TMEM131L: variants seen among roughly 807,000 people sequenced by gnomAD.
The protein encoded by TMEM131L is transmembrane protein 131-like.
In TMEM131L, 54 loss-of-function variants were observed where a neutral mutation model predicts 192.2. The ratio of observed to expected loss-of-function variants is 0.28; its 90% CI spans 0.23 to 0.35. The LOEUF is 0.35. TMEM131L is among the 10% of genes least tolerant of loss of function. The pLI, the probability that TMEM131L is intolerant of heterozygous loss-of-function variation, is 1.00. For synonymous variants in TMEM131L, 701 were observed against 704.9 expected, an observed-to-expected ratio of 0.99 and a Z score of 0.09; for missense variants, 1,888 against 1,972.9, an observed-to-expected ratio of 0.96 and a Z score of 0.82.
chr4:153,591,092 G>A lies in TMEM131L; in HGVS notation c.1710G>A (p.Lys570=). ...GAACAACTCGATTTGCTCACTTGAAGAAATCCAAGGAGTCAGAGTCCTTTG... is the reference window on the plus strand; with the variant it reads ...GAACAACTCGATTTGCTCACTTGAAAAAATCCAAGGAGTCAGAGTCCTTTG... ...VLGTTRFAHL[K]KSKESESFVF... Residue 570 remains lysine (K), a synonymous_variant, in exon 17 of 35, where the codon AAG becomes AAA. Transcript: ENST00000409959. 6.2e-7 allele frequency: 1 copy of A among 1,604,734 alleles called. No homozygotes were observed. Among genetic ancestry groups the A allele is most frequent in the Non-Finnish European group, 8.5e-7 (1 of 1,174,426 alleles).
intron 25 of TMEM131L, among the ~76,000 whole-genome samples, chr4:153,608,464 A>AG (rs1732392073): frequency 6.6e-6 from 1 of 152,246 alleles, no homozygotes; most frequent in African/African-American, 2.4e-5. Flanking sequence ...AAAATAATGT[A>AG]GATTAGAGTT....
At position 153,636,634 on chromosome 4, in the gene TMEM131L, T is replaced by A; in HGVS notation, c.*58T>A. The stretch of plus-strand genomic sequence containing the variant: ...GAGGCTTGTGTTTTGATTACTAGTG[T>A]AAACTGGTTATTGAGATAGATTATG... On this transcript the variant is annotated 3_prime_UTR_variant, in exon 35 of 35. Transcript: ENST00000409959. The A allele has an allele frequency of 6.6e-7, 1 of 1,514,026 alleles. No individual in the cohort carries two copies. Among genetic ancestry groups the A allele is most frequent in the African/African-American group, 1.4e-5 (1 of 72,464 alleles). 93.8% of individuals were successfully genotyped at this position (1,514,026 alleles called of 1,614,324 possible). A position where few individuals can be genotyped will look rare whatever the true frequency, so the allele number is the denominator to read the frequency against.
At chr4:153,576,938 A>G (rs1330386185) in intron 7 of TMEM131L, among the ~76,000 whole-genome samples, 1 of 152,130 alleles carries the variant, frequency 6.6e-6, no homozygotes, top group East Asian at 1.9e-4. Context: ...TGATGAAGTG[A>G]TAGGCATTGT....
intron 9 of TMEM131L, 136 bp downstream of exon 9, chr4:153,581,696 T>A: frequency 1.9e-6 from 1 of 521,216 alleles, no homozygotes; most frequent in Non-Finnish European, 3.0e-6. Flanking sequence ...ATTGTAGTAG[T>A]AACTGGTTCT....
chr4:153,510,294 C>T (rs1479053349), intron 3 of TMEM131L, among the ~76,000 whole-genome samples: 1 of 152,112 alleles, frequency 6.6e-6, no homozygotes, highest in African/African-American at 2.4e-5. Flanking sequence ...AAGGGACATG[C>T]AGGCATTGAA....
intron 3 of TMEM131L, among the ~76,000 whole-genome samples, chr4:153,507,903 C>T (rs1238479140): frequency 6.6e-6 from 1 of 152,136 alleles, no homozygotes; most frequent in Admixed American, 6.5e-5. Context: ...TCCTCTGCTG[C>T]AGTAAATGAC....
At chr4:153,631,707 C>T (rs1734221830) in intron 31 of TMEM131L, among the ~76,000 whole-genome samples, 1 of 152,230 alleles carries the variant, frequency 6.6e-6, no homozygotes, top group African/African-American at 2.4e-5. Context: ...GAAGTCAACT[C>T]TGCTCAAAAC....
chr4:153,498,882 A>G (rs1360141654), intron 3 of TMEM131L, among the ~76,000 whole-genome samples: 1 of 152,142 alleles, frequency 6.6e-6, no homozygotes, highest in African/African-American at 2.4e-5. Context: ...GCTTTTGCCA[A>G]CCTTTCTTGG....
intron 7 of TMEM131L, among the ~76,000 whole-genome samples, chr4:153,561,450 ATGT>A (rs1223438470): frequency 6.6e-6 from 1 of 152,118 alleles, no homozygotes; most frequent in African/African-American, 2.4e-5. Context: ...AAAAGGCCTA[ATGT>A]TGTGAAGCTT....
intron 3 of TMEM131L, among the ~76,000 whole-genome samples, chr4:153,488,905 T>C (rs867229974): frequency 1.3e-5 from 2 of 152,246 alleles, no homozygotes; most frequent in African/African-American, 4.8e-5. Flanking sequence ...CAGTCTCTTG[T>C]CGCACAGCGC....
chr4:153,499,585 C>T (rs1733442937), intron 3 of TMEM131L, among the ~76,000 whole-genome samples: 1 of 152,116 alleles, frequency 6.6e-6, no homozygotes, highest in Non-Finnish European at 1.5e-5. Flanking sequence ...CGCCACCATG[C>T]CCGGCTAATT....
chr4:153,471,405 G>C (rs1163247568), intron 2 of TMEM131L, among the ~76,000 whole-genome samples: 3 of 152,192 alleles, frequency 2.0e-5, no homozygotes, highest in Non-Finnish European at 2.9e-5. Flanking sequence ...CCTGCATACA[G>C]TAGACATTCA....
Position 153,632,795 on chromosome 4 carries a change from G to A in TMEM131L, c.4285G>A (p.Gly1429Ser), listed in dbSNP as rs376883381. 22 of 1,613,968 alleles carry A rather than the reference G, an allele frequency of 1.4e-5. No individual in the cohort carries two copies. The highest frequency in any genetic ancestry group is 1.9e-5 in the Non-Finnish European group (22 of 1,179,990). ...CAGCTTAAACTGCACCCTGGAGAAC[G>A]GCGTGCCTTGTGTGATTCAGGAGTC... Reference protein sequence around the residue: ...TSSLNCTLENGVPCVIQESAP... With the variant: ...TSSLNCTLENSVPCVIQESAP... The change falls in exon 32 of 35, where the codon GGC becomes AGC. Residue 1429 changes from glycine to serine, a missense_variant. Physicochemically the swap from Gly to Ser is moderately conservative, Grantham distance 56. Transcript: ENST00000409959.
At chr4:153,513,347 A>G (rs994846952) in intron 3 of TMEM131L, among the ~76,000 whole-genome samples, 1 of 152,206 alleles carries the variant, frequency 6.6e-6, no homozygotes, top group Non-Finnish European at 1.5e-5. Flanking sequence ...TAGGAGCTCT[A>G]TTCTGATTTA....
At chr4:153,510,930 A>C (rs548405514) in intron 3 of TMEM131L, among the ~76,000 whole-genome samples, 1 of 152,216 alleles carries the variant, frequency 6.6e-6, no homozygotes, top group South Asian at 2.1e-4. Context: ...AGATGACTTA[A>C]TCAAGTGGTC....
In TMEM131L at chr4:153,636,518, C is replaced by T. The variant is rs199553865; in HGVS notation, c.4775C>T (p.Ala1592Val). 56 of 1,613,986 alleles carry T rather than the reference C, an allele frequency of 3.5e-5. No homozygotes were observed. Among genetic ancestry groups the T allele is most frequent in the Middle Eastern group, 1.6e-4 (1 of 6,084 alleles). ...AACCTGGACATATGGACTACCACAG[C>T]GAATAGGAATGCAAATTTCCCACTG... ...YMNLDIWTTT[A>V]NRNANFPLSR... Residue 1592 changes from alanine to valine, a missense_variant, in exon 35 of 35, where the codon GCG becomes GTG. By Grantham distance (64) the Ala-to-Val change is moderately conservative (BLOSUM62 0). Transcript: ENST00000409959.
At chr4:153,587,161 G>T (rs1203379249) in intron 14 of TMEM131L, among the ~76,000 whole-genome samples, 2 of 151,990 alleles carry the variant, frequency 1.3e-5, no homozygotes, top group African/African-American at 4.8e-5. Context: ...TTTGAGCAGG[G>T]GTGGTTTCTT....
chr4:153,620,678 AGTT>A, intron 26 of TMEM131L, 75 bp from the exon 27 acceptor site: 1 of 859,300 alleles, frequency 1.2e-6, no homozygotes, highest in East Asian at 3.1e-5. Flanking sequence ...ATTCAGATGG[AGTT>A]GGTCTTCAAA....
chr4:153,586,375 C>G lies in TMEM131L; in HGVS notation c.1478C>G (p.Thr493Ser), dbSNP rs763381344. 5.0e-6 allele frequency: 8 copies of G among 1,595,066 alleles called. No homozygotes were observed. In the South Asian group the frequency reaches 5.8e-5, roughly 12 times the overall value. Residue 493 changes from threonine (T) to serine (S), a missense_variant, in exon 14 of 35, where the codon ACC becomes AGC. Transcript: ENST00000409959. ...CCTCTACAGATTTATTCAGCACCAACCAAGGTATTTTCTACAATACTATAT... is the reference window on the plus strand; with the variant it reads ...CCTCTACAGATTTATTCAGCACCAAGCAAGGTATTTTCTACAATACTATAT... ...AIPLQIYSAP[T>S]KEGSLGFEVI... is the part of the protein sequence containing the mutation.
Sources: gnomAD v4.1 joint callset for allele counts (sites outside exome capture counted in the v4.1 genomes callset) on GRCh38, gnomAD v4.1.1 for gene constraint, MANE v1.5 for transcripts, NCBI Gene and HGNC (gene_info 2026-07-23, HGNC 2026-07-21) for gene names.